ZNF316: variants seen among roughly 807,000 people sequenced by gnomAD.
The protein encoded by ZNF316 is zinc finger protein 316.
Under a neutral mutation model 75.6 loss-of-function variants are expected in ZNF316, and 23 were observed. The ratio of observed to expected loss-of-function variants is 0.30; its 90% CI spans 0.22 to 0.43. The LOEUF (loss-of-function observed/expected upper bound fraction) is 0.43. ZNF316 is among the 20% of genes least tolerant of loss of function. ZNF316 has a pLI of 1.00. For synonymous variants in ZNF316, 827 were observed against 666.2 expected (o/e 1.24, Z -3.72); for missense variants, 1,266 against 1,409.4 (o/e 0.90, Z 1.63).
At chr7:6,638,670 C>G (rs183023767) in intron 2 of ZNF316, among the ~76,000 whole-genome samples, 1 of 152,152 alleles carries the variant, frequency 6.6e-6, no homozygotes, top group African/African-American at 2.4e-5. Flanking sequence ...TGAGGTGGCT[C>G]ACGCCTGTAA....
chr7:6,657,715 C>T lies in ZNF316; in HGVS notation c.*3104C>T, dbSNP rs1013473317. 6.6e-6 allele frequency among the ~76,000 whole-genome samples: 1 copy of T among 150,766 alleles called. No individual in the cohort carries two copies. Among genetic ancestry groups the T allele is most frequent in the Non-Finnish European group, 1.5e-5 (1 of 67,772 alleles). ...TACAAAAATTAGCTGGGTGTGGTGGCGCACGTCTATAGTCCCAGCTACTCT... is the reference window on the plus strand; with the variant it reads ...TACAAAAATTAGCTGGGTGTGGTGGTGCACGTCTATAGTCCCAGCTACTCT... On this transcript the variant is annotated 3_prime_UTR_variant, in exon 9 of 9. Transcript: ENST00000382252.
At chr7:6,651,762 TCAAAA>T (rs1465885302) in intron 8 of ZNF316, among the ~76,000 whole-genome samples, 1 of 152,146 alleles carries the variant, frequency 6.6e-6, no homozygotes, top group Non-Finnish European at 1.5e-5. Flanking sequence ...GACTCTTGTC[TCAAAA>T]CAAAAACAAA....
At chr7:6,648,750 G>A (rs961950074) in intron 8 of ZNF316, among the ~76,000 whole-genome samples, 3 of 152,206 alleles carry the variant, frequency 2.0e-5, no homozygotes, top group Non-Finnish European at 2.9e-5. Context: ...GTAGCATCCC[G>A]GCCTGGCCCC....
In ZNF316 at chr7:6,642,632, G is replaced by T. The variant is rs538003588; in HGVS notation, c.223G>T (p.Val75Leu). ...QDAQVEAVAE[V>L]EVEADVEEED... Reference sequence around the variant, plus strand: ...TGCGCAGGTGGAGGCGGTGGCCGAGGTGGAGGTGGAGGCGGACGTGGAGGA... The same window carrying T: ...TGCGCAGGTGGAGGCGGTGGCCGAGTTGGAGGTGGAGGCGGACGTGGAGGA... Residue 75 changes from valine (V) to leucine (L), a missense_variant, in exon 5 of 9, where the codon GTG becomes TTG. Physicochemically the swap from Val to Leu is conservative, Grantham distance 32. This residue lies in a region of ZNF316 where 961 missense variants were observed against 990.9 expected (regional missense o/e 0.97). Transcript: ENST00000382252. The surrounding 1 kb of genome is among the most constrained non-coding windows in gnomAD (Gnocchi z 8.1). 2.7e-5 allele frequency: 33 copies of T among 1,235,274 alleles called. 1 individual carries two copies. In the East Asian group the frequency reaches 7.5e-4, roughly 28 times the overall value. The allele number at this position is 1,235,274 out of a possible 1,614,324, so 76.5% of individuals were successfully genotyped here. A position where few individuals can be genotyped will look rare whatever the true frequency, so the allele number is the denominator to read the frequency against.
rs1465796040 is a variant in ZNF316 at position 6,656,775 on chromosome 7, G to C, written c.*2164G>C. On this transcript the variant is annotated 3_prime_UTR_variant, in exon 9 of 9. Transcript: ENST00000382252. ...TCGTGGTGGTCCAAACACATCCCCA[G>C]CCCTTTCTTCAGAGGCCCCAGCACC... 6.6e-6 allele frequency among the ~76,000 whole-genome samples: 1 copy of C among 152,144 alleles called. No homozygotes were observed. Among genetic ancestry groups the C allele is most frequent in the African/African-American group, 2.4e-5 (1 of 41,426 alleles).
At chr7:6,647,582 G>C (rs913892110) in intron 8 of ZNF316, among the ~76,000 whole-genome samples, 1 of 152,364 alleles carries the variant, frequency 6.6e-6, no homozygotes, top group South Asian at 2.1e-4. Context: ...GACTTCCACA[G>C]CCTGCGCTCC....
rs1274960087 is a variant in ZNF316, at chr7:6,639,338, G to A, written c.-167+197G>A. Among the ~76,000 whole-genome samples the A allele has an allele frequency of 3.9e-5, 6 of 152,206 alleles. No homozygotes were observed. Among genetic ancestry groups the A allele is most frequent in the Non-Finnish European group, 8.8e-5 (6 of 68,040 alleles). On this transcript the variant is annotated intron_variant, in intron 3 of 8. Transcript: ENST00000382252. The surrounding 1 kb of genome is among the most constrained non-coding windows in gnomAD (Gnocchi z 4.2). ...TGGTGTGAGGGGTATTCAGACATGA[G>A]CAAAGGGAGCTTCTGCCGCCCAGGA...
chr7:6,638,299 A>G (rs1054144600), intron 2 of ZNF316, among the ~76,000 whole-genome samples: 7 of 151,964 alleles, frequency 4.6e-5, no homozygotes, highest in African/African-American at 1.7e-4. Context: ...AACCCAGGAA[A>G]GTAGGGGGAT....
rs1779320915 is a variant in ZNF316 at position 6,642,146 on chromosome 7, T to C, written c.-29+184T>C. 2.8e-6 allele frequency: 1 copy of C among 360,632 alleles called. No individual in the cohort carries two copies. Among genetic ancestry groups the C allele is most frequent in the Admixed American group, 4.7e-5 (1 of 21,310 alleles). 22.3% of individuals were successfully genotyped at this position (360,632 alleles called of 1,614,324 possible). A position where few individuals can be genotyped will look rare whatever the true frequency, so the allele number is the denominator to read the frequency against. ...TGGTGAAAAGGAGCTGAGACTGGCA[T>C]CCCAGGGGTCACGCGGAGGGGCCAT... On this transcript the variant is annotated intron_variant, in intron 4 of 8. Coordinates refer to ENST00000382252, the MANE Select transcript of ZNF316 (RefSeq NM_001278559.2). This position sits in a 1 kb window ranked among gnomAD's most constrained non-coding sequence, Gnocchi z 8.1.
intron 3 of ZNF316, 98 bp from the exon 4 acceptor site, chr7:6,641,727 C>G (rs1336789632): frequency 6.6e-6 from 1 of 152,316 alleles, no homozygotes; most frequent in African/African-American, 2.4e-5. Context: ...TGGCGATGAG[C>G]CGTGTGTCCA....
rs987352031 is a variant in ZNF316 at position 6,642,599 on chromosome 7, G to A, written c.190G>A (p.Val64Met). 10 of 1,223,416 alleles carry A rather than the reference G, an allele frequency of 8.2e-6. No homozygotes were observed. The African/African-American group carries it at 1.4e-4, about 17-fold the overall frequency. The allele number at this position is 1,223,416 out of a possible 1,614,324, so 75.8% of individuals were successfully genotyped here. Reference protein sequence around the residue: ...EEEEEGVAEVVQDAQVEAVAE... With the variant: ...EEEEEGVAEVMQDAQVEAVAE... ...GGAGGAGGAGGGTGTGGCAGAGGTA[G>A]TGCAGGATGCGCAGGTGGAGGCGGT... Residue 64 changes from valine (V) to methionine (M), a missense_variant, in exon 5 of 9, where the codon GTG (valine) becomes ATG (methionine). Val to Met is a conservative substitution (Grantham distance 21). Transcript: ENST00000382252. This position sits in a 1 kb window ranked among gnomAD's most constrained non-coding sequence, Gnocchi z 8.1.
chr7:6,646,717 G>A (rs1388688729), intron 8 of ZNF316, among the ~76,000 whole-genome samples: 4 of 151,922 alleles, frequency 2.6e-5, no homozygotes, highest in African/African-American at 9.7e-5. Context: ...CTCCCCCAGT[G>A]CTCCCTGCCT....
intron 7 of ZNF316, 75 bp from the exon 8 acceptor site, chr7:6,644,405 G>A (rs2115310516): frequency 2.6e-6 from 2 of 769,232 alleles, no homozygotes; most frequent in Non-Finnish European, 3.5e-6. Flanking sequence ...GCACTGAGCG[G>A]TGGCACAGCA....
At chr7:6,646,647 C>T (rs1314481840) in intron 8 of ZNF316, among the ~76,000 whole-genome samples, 2 of 152,068 alleles carry the variant, frequency 1.3e-5, no homozygotes, top group African/African-American at 2.4e-5. Flanking sequence ...TAAAGTCAGT[C>T]TCTGAAATGT....
chr7:6,655,021 G>A lies in ZNF316; in HGVS notation c.*410G>A, dbSNP rs1779594633. ...GGCGAGGGAGGGGCCCGGCCACCCA[G>A]GTGGGCCAGCGGGATGCCTGGGAGG... On this transcript the variant is annotated 3_prime_UTR_variant, in exon 9 of 9. Transcript: ENST00000382252. The A allele has an allele frequency of 6.5e-6, 1 of 153,256 alleles. No individual in the cohort carries two copies. The highest frequency in any genetic ancestry group is 2.4e-5 in the African/African-American group (1 of 41,470). The allele number at this position is 153,256 out of a possible 1,614,324, so 9.5% of individuals were successfully genotyped here.
At chr7:6,645,947 C>G (rs373572262) in intron 8 of ZNF316, among the ~76,000 whole-genome samples, 39 of 145,746 alleles carry the variant, frequency 2.7e-4, no homozygotes, top group African/African-American at 9.4e-4. Flanking sequence ...TGGGCCAAGA[C>G]TGCGCCACTG....
In ZNF316 at chr7:6,640,576, G is replaced by A. The variant is rs1316248184; in HGVS notation, c.-166-1249G>A. On this transcript the variant is annotated intron_variant, in intron 3 of 8. Coordinates refer to ENST00000382252, the MANE Select transcript of ZNF316 (RefSeq NM_001278559.2). This position sits in a 1 kb window ranked among gnomAD's most constrained non-coding sequence, Gnocchi z 5.1. ...ATCCAGTCACCTCCCACCAGGCCCCGCCTCCAGCATTGGGGATTACGGTTC... is the reference window on the plus strand; with the variant it reads ...ATCCAGTCACCTCCCACCAGGCCCCACCTCCAGCATTGGGGATTACGGTTC... Among the ~76,000 whole-genome samples the A allele has an allele frequency of 2.6e-5, 4 of 152,164 alleles. No individual in the cohort carries two copies. In the East Asian group the frequency reaches 5.8e-4, roughly 22 times the overall value.
In ZNF316 at chr7:6,654,098, C is replaced by T. The variant is rs1261480105; in HGVS notation, c.2502C>T (p.Pro834=). 5 of 1,218,062 alleles carry T rather than the reference C, an allele frequency of 4.1e-6. No homozygotes were observed. The highest frequency in any genetic ancestry group is 4.3e-5 in the Admixed American group (1 of 23,048). 75.5% of individuals were successfully genotyped at this position (1,218,062 alleles called of 1,614,324 possible). A position where few individuals can be genotyped will look rare whatever the true frequency, so the allele number is the denominator to read the frequency against. Residue 834 remains proline (P), a synonymous_variant, in exon 9 of 9, where the codon CCC becomes CCT. Coordinates refer to ENST00000382252, the MANE Select transcript of ZNF316 (RefSeq NM_001278559.2). ...CCGAGGAGAAGCCGCACCGCTGCCC[C>T]GACTGCGGCAAGGGCTTCGGCCACA... is the stretch of plus-strand genomic sequence containing the variant. ...AHAEEKPHRC[P]DCGKGFGHSS...
chr7:6,641,121 C>A (rs1419808418), intron 3 of ZNF316, among the ~76,000 whole-genome samples: 2 of 152,214 alleles, frequency 1.3e-5, no homozygotes, highest in Non-Finnish European at 2.9e-5. Context: ...GTAAGAACAC[C>A]AGGCGTGGTG....
Sources: allele counts gnomAD v4.1 joint callset (sites outside exome capture counted in the v4.1 genomes callset), GRCh38; gene constraint gnomAD v4.1.1; regional missense constraint gnomAD v4.1.1; non-coding constraint Gnocchi (gnomAD v3.1); transcripts MANE v1.5; gene names NCBI Gene and HGNC (gene_info 2026-07-23, HGNC 2026-07-21).